The following ZFAND3 variants were observed in gnomAD, a reference collection of about 807,000 sequenced individuals.
The protein encoded by ZFAND3 is zinc finger AN1-type containing 3, also known as AN1-type zinc finger protein 3.
Under a neutral mutation model 29.6 loss-of-function variants are expected in ZFAND3, and 10 were observed. The observed-to-expected ratio is 0.34, with a 90% CI of 0.21 to 0.57. ZFAND3 has a LOEUF of 0.57. ZFAND3 is among the 20% of genes least tolerant of loss of function. ZFAND3 has a pLI of 0.86. For synonymous variants in ZFAND3, 128 were observed against 112.6 expected (o/e 1.14, Z -0.87); for missense variants, 230 against 304.5 (o/e 0.76, Z 1.82).
At chr6:37,829,107 A>G (rs541221098) in intron 1 of ZFAND3, among the ~76,000 whole-genome samples, 1 of 152,162 alleles carries the variant, frequency 6.6e-6, no homozygotes, top group Admixed American at 6.5e-5. Context: ...TTTTCCTTTT[A>G]ATATAACTTA....
chr6:37,934,179 C>T lies in ZFAND3; in HGVS notation c.112+4180C>T, dbSNP rs1475652910. ...CTGGGATTACAGGTGTAAGCCACTG[C>T]GCCCGGCCCTTTTTTTTTTTTGAGA... On this transcript the variant is annotated intron_variant, in intron 2 of 5. Coordinates refer to ENST00000287218, the MANE Select transcript of ZFAND3 (RefSeq NM_021943.3). Among the ~76,000 whole-genome samples the T allele has an allele frequency of 8.7e-5, 13 of 149,942 alleles. No individual in the cohort carries two copies. In the East Asian group the frequency reaches 1.6e-3, roughly 18 times the overall value.
Position 38,144,106 on chromosome 6 carries a change from T to C in ZFAND3, c.530-8129T>C, listed in dbSNP as rs114530450. Among the ~76,000 whole-genome samples, 784 of 148,836 alleles carry C rather than the reference T, an allele frequency of 5.3e-3. 8 individuals are homozygous for C. The highest frequency in any genetic ancestry group is 0.019 in the African/African-American group (753 of 40,228). On this transcript the variant is annotated intron_variant, in intron 5 of 5. Transcript: ENST00000287218. The stretch of plus-strand genomic sequence containing the variant: ...CTGCTGTTCCCAACGTGTACTTACA[T>C]ATGAGCTATGAGGTCAGTGAGCTGT...
chr6:38,107,516 A>G (rs1174988069), intron 4 of ZFAND3, among the ~76,000 whole-genome samples: 2 of 152,224 alleles, frequency 1.3e-5, no homozygotes, highest in African/African-American at 4.8e-5. Flanking sequence ...CTGAATGTGT[A>G]ACACAGAAAG....
At chr6:38,042,502 TG>T (rs1161472700) in intron 2 of ZFAND3, among the ~76,000 whole-genome samples, 6 of 151,920 alleles carry the variant, frequency 3.9e-5, no homozygotes, top group Non-Finnish European at 7.4e-5. Context: ...TTAGTAGAGA[TG>T]GGGTTTTGCC....
At position 38,107,439 on chromosome 6, in the gene ZFAND3, AC is replaced by A. The variant is rs1765231175; in HGVS notation, c.362-9132del. 2.0e-5 allele frequency among the ~76,000 whole-genome samples: 3 copies of A among 152,188 alleles called. No homozygotes were observed. In the South Asian group the frequency reaches 6.2e-4, roughly 32 times the overall value. ...TACCTTCCCTTCACCTTCTTTACTT[AC>A]GCCAGTCCTCCAGCCATGCCATGTG... is the stretch of plus-strand genomic sequence containing the variant. On this transcript the variant is annotated intron_variant, in intron 4 of 5. Transcript: ENST00000287218.
rs1370624085 is a variant in ZFAND3 at position 37,938,575 on chromosome 6, GC to G, written c.112+8578del. ...AGGAAACTCTGTTCTTTATGGTGTAGCCTCCCTTACTCTGAAATGCAAGCAA... is the reference window on the plus strand; with the variant it reads ...AGGAAACTCTGTTCTTTATGGTGTAGCTCCCTTACTCTGAAATGCAAGCAA... On this transcript the variant is annotated intron_variant, in intron 2 of 5. Coordinates refer to ENST00000287218, the MANE Select transcript of ZFAND3 (RefSeq NM_021943.3). Among the ~76,000 whole-genome samples the G allele has an allele frequency of 3.9e-5, 6 of 152,162 alleles. No homozygotes were observed. In the East Asian group the frequency reaches 1.2e-3, roughly 29 times the overall value.
intron 2 of ZFAND3, among the ~76,000 whole-genome samples, chr6:38,012,322 C>G (rs1474970469): frequency 6.6e-6 from 1 of 151,750 alleles, no homozygotes; most frequent in African/African-American, 2.4e-5. Context: ...TATTTGATAT[C>G]CAAACTATTA....
At chr6:38,049,156 GT>G (rs1184404234) in intron 2 of ZFAND3, among the ~76,000 whole-genome samples, 1 of 152,128 alleles carries the variant, frequency 6.6e-6, no homozygotes, top group East Asian at 1.9e-4. Flanking sequence ...TTTCGTATTT[GT>G]ATCCCCAGGA....
At chr6:38,003,597 C>T (rs1762989590) in intron 2 of ZFAND3, 1 of 265,280 alleles carries the variant, frequency 3.8e-6, no homozygotes, top group Non-Finnish European at 7.5e-6. Context: ...CTCTTGGGCT[C>T]TAGCAATCCT....
chr6:37,942,343 CTAAA>C (rs1334021451), intron 2 of ZFAND3, among the ~76,000 whole-genome samples: 1 of 151,844 alleles, frequency 6.6e-6, no homozygotes, highest in African/African-American at 2.4e-5. Flanking sequence ...CTTAAGGTAA[CTAAA>C]TAAATTTAAA....
intron 1 of ZFAND3, among the ~76,000 whole-genome samples, chr6:37,908,542 TAAAAAAAAAAA>T (rs70981504): frequency 1.6e-5 from 2 of 124,130 alleles, no homozygotes; most frequent in Non-Finnish European, 3.3e-5. Context: ...AAAAAAAAAT[TAAAAAAAAAAA>T]AAAAAAGAAA....
chr6:38,134,927 G>C (rs1162186867), intron 5 of ZFAND3, among the ~76,000 whole-genome samples: 2 of 152,198 alleles, frequency 1.3e-5, no homozygotes, highest in African/African-American at 4.8e-5. Context: ...GCCATCTTTT[G>C]GAAGGGAGAC....
Position 38,032,507 on chromosome 6 carries a change from C to T in ZFAND3, c.113-29086C>T, listed in dbSNP as rs899463505. ...AGTGTCAGAGCAGATTATAGGAAGACATGGACCTCATTACCCAAAAGAGAA... is the reference window on the plus strand; with the variant it reads ...AGTGTCAGAGCAGATTATAGGAAGATATGGACCTCATTACCCAAAAGAGAA... On this transcript the variant is annotated intron_variant, in intron 2 of 5. Coordinates refer to ENST00000287218, the MANE Select transcript of ZFAND3 (RefSeq NM_021943.3). 2.6e-5 allele frequency among the ~76,000 whole-genome samples: 4 copies of T among 152,194 alleles called. No individual in the cohort carries two copies. The South Asian group carries it at 8.3e-4, about 32-fold the overall frequency.
At chr6:38,126,709 G>T (rs1380272173) in intron 5 of ZFAND3, among the ~76,000 whole-genome samples, 1 of 152,054 alleles carries the variant, frequency 6.6e-6, no homozygotes, top group Non-Finnish European at 1.5e-5. Flanking sequence ...TTTATGAAGA[G>T]TCTGTTCACA....
In ZFAND3 at chr6:38,152,225, G is replaced by T. The variant is rs1451617253; in HGVS notation, c.530-10G>T. ...ACACACTCTTTCCTCTGCTTCTCCC[G>T]CTGCTGCAGGTTATGTGTTCTGTAT... On this transcript the variant is annotated splice_polypyrimidine_tract_variant and intron_variant, in intron 5 of 5. Coordinates refer to ENST00000287218, the MANE Select transcript of ZFAND3 (RefSeq NM_021943.3). 1 of 1,493,914 alleles carries T rather than the reference G, an allele frequency of 6.7e-7. No homozygotes were observed. Among genetic ancestry groups the T allele is most frequent in the East Asian group, 2.5e-5 (1 of 40,430 alleles). The allele number at this position is 1,493,914 out of a possible 1,614,324, so 92.5% of individuals were successfully genotyped here.
At chr6:37,871,563 T>A (rs149963217) in intron 1 of ZFAND3, among the ~76,000 whole-genome samples, 1 of 152,326 alleles carries the variant, frequency 6.6e-6, no homozygotes, top group African/African-American at 2.4e-5. Flanking sequence ...GTTTATAAAT[T>A]CCTTGATAGT....
chr6:37,907,666 T>C (rs1040981880), intron 1 of ZFAND3, among the ~76,000 whole-genome samples: 1 of 76,048 alleles, frequency 1.3e-5, no homozygotes, highest in African/African-American at 3.8e-5. Flanking sequence ...TTTTTGACTA[T>C]TATGCATAAT....
At chr6:38,001,782 A>G (rs904555472) in intron 2 of ZFAND3, among the ~76,000 whole-genome samples, 65 of 152,328 alleles carry the variant, frequency 4.3e-4, no homozygotes, top group African/African-American at 1.4e-3. Context: ...GCTTCCGGCA[A>G]GCTCTGTAGA....
At chr6:37,823,196 AC>A (rs1366591710) in intron 1 of ZFAND3, among the ~76,000 whole-genome samples, 1 of 152,098 alleles carries the variant, frequency 6.6e-6, no homozygotes, top group Non-Finnish European at 1.5e-5. Context: ...GGTGGCGTGA[AC>A]CAGTGTAATG....
Sources: allele counts gnomAD v4.1 joint callset (sites outside exome capture counted in the v4.1 genomes callset), GRCh38; gene constraint gnomAD v4.1.1; transcripts MANE v1.5; gene names NCBI Gene and HGNC (gene_info 2026-07-23, HGNC 2026-07-21).